PTPRK: variants seen among roughly 807,000 people sequenced by gnomAD.
PTPRK encodes protein tyrosine phosphatase receptor type K.
Under a neutral mutation model 178.0 loss-of-function variants are expected in PTPRK, and 75 were observed. That is an observed-to-expected ratio of 0.42 (90% CI 0.35 to 0.51). The LOEUF (loss-of-function observed/expected upper bound fraction) is 0.51, where lower values mean the gene tolerates loss of function less well. PTPRK is among the 20% of genes least tolerant of loss of function. The pLI is 0.02. For missense variants in PTPRK, 1,441 were observed against 1,797.8 expected, an observed-to-expected ratio of 0.80 and a Z score of 3.59; for synonymous variants, 637 against 620.6, an observed-to-expected ratio of 1.03 and a Z score of -0.39.
chr6:128,455,801 A>G (rs1445160165), intron 1 of PTPRK, among the ~76,000 whole-genome samples: 1 of 152,166 alleles, frequency 6.6e-6, no homozygotes. Flanking sequence ...AGCACAGTTA[A>G]GAGTTAGAAA....
chr6:128,238,200 A>G (rs1054447665), intron 5 of PTPRK: 1 of 394,840 alleles, frequency 2.5e-6, no homozygotes, highest in Non-Finnish European at 4.7e-6. Context: ...AAAAAAAAAA[A>G]AAGAAAAGAA....
At chr6:128,308,316 CTT>C (rs934819077) in intron 3 of PTPRK, among the ~76,000 whole-genome samples, 30 of 151,874 alleles carry the variant, frequency 2.0e-4, no homozygotes, top group Non-Finnish European at 3.1e-4. Context: ...TAGAGAGAAA[CTT>C]TTAGGAAGTA....
chr6:128,016,787 AG>A (rs2114744049), intron 13 of PTPRK, among the ~76,000 whole-genome samples: 1 of 152,046 alleles, frequency 6.6e-6, no homozygotes, highest in East Asian at 1.9e-4. Context: ...AAGTTGTTTC[AG>A]GTCCTCCTCC....
At chr6:128,173,566 C>T (rs749826736) in intron 7 of PTPRK, among the ~76,000 whole-genome samples, 3 of 151,944 alleles carry the variant, frequency 2.0e-5, no homozygotes, top group East Asian at 3.9e-4. Flanking sequence ...ACTGCCTGAC[C>T]CAATGCCTCA....
intron 3 of PTPRK, among the ~76,000 whole-genome samples, chr6:128,280,308 A>G (rs570388196): frequency 6.6e-6 from 1 of 152,260 alleles, no homozygotes; most frequent in African/African-American, 2.4e-5. Flanking sequence ...CTGGCACTTA[A>G]CACAATAATG....
chr6:128,219,124 C>T (rs1161705657), intron 5 of PTPRK, 28 bp from the exon 6 acceptor site: 2 of 1,560,796 alleles, frequency 1.3e-6, no homozygotes, highest in South Asian at 1.1e-5. Flanking sequence ...TCTTTAAAAA[C>T]AGGTTCTTAC....
chr6:128,105,283 G>C (rs190202148), intron 7 of PTPRK, among the ~76,000 whole-genome samples: 1 of 152,022 alleles, frequency 6.6e-6, no homozygotes, highest in Non-Finnish European at 1.5e-5. Context: ...ACAGGCGCCC[G>C]CCACCACGCC....
chr6:128,206,064 A>G (rs1806906659), intron 6 of PTPRK, among the ~76,000 whole-genome samples: 1 of 151,972 alleles, frequency 6.6e-6, no homozygotes, highest in Non-Finnish European at 1.5e-5. Flanking sequence ...AAAACTAGAT[A>G]TTACCATAGT....
At chr6:128,322,751 G>A (rs1028064325) in intron 2 of PTPRK, among the ~76,000 whole-genome samples, 1 of 150,800 alleles carries the variant, frequency 6.6e-6, no homozygotes, top group Non-Finnish European at 1.5e-5. Context: ...TTTATTTTTC[G>A]CTATCCAGAA....
intron 1 of PTPRK, among the ~76,000 whole-genome samples, chr6:128,476,212 T>C (rs1851353184): frequency 6.6e-6 from 1 of 151,980 alleles, no homozygotes; most frequent in Non-Finnish European, 1.5e-5. Flanking sequence ...TCATTTTTAC[T>C]GGGGTCATAA....
intron 6 of PTPRK, among the ~76,000 whole-genome samples, chr6:128,213,319 G>A (rs890244831): frequency 6.6e-6 from 1 of 151,876 alleles, no homozygotes; most frequent in African/African-American, 2.4e-5. Flanking sequence ...TACTCAAGGG[G>A]AGCAAAGTAA....
chr6:128,272,758 G>C lies in PTPRK; in HGVS notation c.496-30156C>G, dbSNP rs566633244. ...AAATAGGAATGCTTTTACACTGTTG[G>C]TGGGACTGTAAACTAGTTCAACCAT... On this transcript the variant is annotated intron_variant, in intron 3 of 29. Transcript: ENST00000368226. Among the ~76,000 whole-genome samples, 6 of 152,288 alleles carry C rather than the reference G, an allele frequency of 3.9e-5. No individual in the cohort carries two copies. In the East Asian group the frequency reaches 9.7e-4, roughly 25 times the overall value.
intron 6 of PTPRK, among the ~76,000 whole-genome samples, chr6:128,199,156 G>C (rs1056350816): frequency 4.6e-5 from 7 of 152,138 alleles, no homozygotes; most frequent in African/African-American, 1.7e-4. Flanking sequence ...TTCCTGAAAA[G>C]TCATATAGTA....
At chr6:128,078,454 C>T (rs975670736) in intron 11 of PTPRK, among the ~76,000 whole-genome samples, 22 of 151,910 alleles carry the variant, frequency 1.4e-4, no homozygotes, top group African/African-American at 4.8e-4. Flanking sequence ...AACTACCCCC[C>T]AACCCTGCCT....
intron 1 of PTPRK, among the ~76,000 whole-genome samples, chr6:128,510,679 A>G (rs1857042855): frequency 6.6e-6 from 1 of 152,198 alleles, no homozygotes; most frequent in African/African-American, 2.4e-5. Flanking sequence ...CCAAGCAGTT[A>G]TCTAAGATAG....
chr6:128,404,664 G>T (rs879292715), intron 1 of PTPRK, among the ~76,000 whole-genome samples: 1 of 152,226 alleles, frequency 6.6e-6, no homozygotes, highest in Non-Finnish European at 1.5e-5. Flanking sequence ...CAATAAGTAT[G>T]TGACTTCATC....
intron 2 of PTPRK, among the ~76,000 whole-genome samples, chr6:128,385,076 T>C (rs540461781): frequency 2.2e-4 from 33 of 147,920 alleles, no homozygotes; most frequent in Non-Finnish European, 3.9e-4. Context: ...AATTACTATA[T>C]TAATATAATT....
intron 1 of PTPRK, among the ~76,000 whole-genome samples, chr6:128,415,638 C>G (rs933930062): frequency 6.6e-6 from 1 of 152,152 alleles, no homozygotes; most frequent in Admixed American, 6.5e-5. Flanking sequence ...TGAGCAGCAT[C>G]TGAATCCAAG....
intron 2 of PTPRK, among the ~76,000 whole-genome samples, chr6:128,395,069 T>C (rs936210606): frequency 1.2e-4 from 19 of 152,116 alleles, no homozygotes; most frequent in African/African-American, 4.3e-4. Context: ...TATGTGACAA[T>C]AAAAAGATCA....
Sources: allele counts gnomAD v4.1 joint callset (sites outside exome capture counted in the v4.1 genomes callset), GRCh38; gene constraint gnomAD v4.1.1; transcripts MANE v1.5; gene names NCBI Gene and HGNC (gene_info 2026-07-23, HGNC 2026-07-21).